Variants in UBR1 observed in about 807,000 individuals in gnomAD.
The protein encoded by UBR1 is ubiquitin protein ligase E3 component n-recognin 1, also known as E3 ubiquitin-protein ligase UBR1.
Under a neutral mutation model 242.1 loss-of-function variants are expected in UBR1, and 102 were observed. The observed-to-expected ratio is 0.42, with a 90% confidence interval of 0.36 to 0.50. The LOEUF is 0.50. Among genes scored for constraint, UBR1 ranks in the 20% least tolerant of loss-of-function variants. The pLI, the probability that UBR1 is intolerant of heterozygous loss-of-function variation, is 0.01. For missense variants in UBR1, 1,772 were observed against 2,101.8 expected (o/e 0.84, Z 3.07); for synonymous variants, 675 against 684.8 (o/e 0.99, Z 0.22).
chr15:43,060,848 G>A (rs1233863755), intron 6 of UBR1, among the ~76,000 whole-genome samples: 1 of 151,296 alleles, frequency 6.6e-6, no homozygotes, highest in Non-Finnish European at 1.5e-5. Flanking sequence ...TAACCATCCT[G>A]TAATATTCCC....
At chr15:43,102,773 C>T (rs566445489) in intron 1 of UBR1, among the ~76,000 whole-genome samples, 31 of 151,726 alleles carry the variant, frequency 2.0e-4, no homozygotes, top group Admixed American at 2.0e-3. Context: ...CTTCCATTTT[C>T]CACCCGTTTC....
rs1420292369 is a variant in UBR1 at position 42,944,118 on chromosome 15, A to G, written c.*1211T>C. 1 of 152,324 alleles carries G rather than the reference A, an allele frequency of 6.6e-6. No homozygotes were observed. The allele number at this position is 152,324 out of a possible 1,614,324, so 9.4% of individuals were successfully genotyped here. Reference sequence around the variant, plus strand: ...TGAATGCATCTTTCAAGGTTCTAACATTACCCCAGAAACAACGTAAGTTAA... The same window carrying G: ...TGAATGCATCTTTCAAGGTTCTAACGTTACCCCAGAAACAACGTAAGTTAA... On this transcript the variant is annotated 3_prime_UTR_variant, in exon 47 of 47. Transcript: ENST00000290650.
intron 10 of UBR1, among the ~76,000 whole-genome samples, chr15:43,056,828 G>T (rs2141334799): frequency 6.6e-6 from 1 of 152,258 alleles, no homozygotes; most frequent in South Asian, 2.1e-4. Context: ...TATATTCAAA[G>T]TATTTAACAA....
chr15:42,957,775 T>A (rs2031947470), intron 44 of UBR1, among the ~76,000 whole-genome samples: 1 of 151,692 alleles, frequency 6.6e-6, no homozygotes, highest in African/African-American at 2.4e-5. Context: ...CTTGGGAGAT[T>A]GAGATGGGAA....
At chr15:42,977,798 G>T in intron 38 of UBR1, 82 bp downstream of exon 38, 4 of 1,214,070 alleles carry the variant, frequency 3.3e-6, no homozygotes, top group South Asian at 2.5e-5. Flanking sequence ...TTATAATCTT[G>T]AACAAAGGGC....
intron 46 of UBR1, among the ~76,000 whole-genome samples, chr15:42,949,756 G>A (rs184865228): frequency 1.8e-3 from 277 of 151,528 alleles, no homozygotes; most frequent in African/African-American, 4.9e-3. Flanking sequence ...CTGAGATAGC[G>A]CCACTGCACT....
intron 8 of UBR1, 88 bp downstream of exon 8, chr15:43,059,610 ACTTT>A: frequency 1.4e-6 from 2 of 1,420,176 alleles, no homozygotes; most frequent in Non-Finnish European, 1.9e-6. Context: ...AAAAAGAAAA[ACTTT>A]ATTTCATACT....
chr15:43,024,589 C>T lies in UBR1; in HGVS notation c.2739+240G>A, dbSNP rs752561146. On this transcript the variant is annotated intron_variant, in intron 25 of 46. Transcript: ENST00000290650. ...CAATAACAACATGTCAATTTATTAG[C>T]ATAAGTACACCTGTTTTTGTTTTCA... Among the ~76,000 whole-genome samples, 5 of 152,186 alleles carry T rather than the reference C, an allele frequency of 3.3e-5. No individual in the cohort carries two copies. The East Asian group carries it at 9.6e-4, about 29-fold the overall frequency.
At chr15:43,088,653 G>A (rs1050933370) in intron 1 of UBR1, among the ~76,000 whole-genome samples, 2 of 151,934 alleles carry the variant, frequency 1.3e-5, no homozygotes, top group Admixed American at 1.3e-4. Flanking sequence ...AATACATGTG[G>A]AGGCACATCT....
chr15:43,043,437 C>CT, intron 14 of UBR1, 42 bp from the exon 15 acceptor site: 1 of 1,596,760 alleles, frequency 6.3e-7, no homozygotes, highest in Non-Finnish European at 8.6e-7. Context: ...AAGTTTTCTA[C>CT]TTTAACACTT....
At chr15:43,092,560 AT>A (rs904126888) in intron 1 of UBR1, among the ~76,000 whole-genome samples, 12 of 150,818 alleles carry the variant, frequency 8.0e-5, no homozygotes, top group Admixed American at 5.3e-4. Flanking sequence ...TGTGTATAGA[AT>A]TTTTTTTTTC....
chr15:43,033,648 C>T (rs1475282976), intron 19 of UBR1, among the ~76,000 whole-genome samples: 2 of 151,816 alleles, frequency 1.3e-5, no homozygotes, highest in South Asian at 2.1e-4. Flanking sequence ...AGCGAGACTT[C>T]GTCTCAAAAA....
At chr15:43,104,918 A>C (rs1462978901) in intron 1 of UBR1, among the ~76,000 whole-genome samples, 1 of 152,100 alleles carries the variant, frequency 6.6e-6, no homozygotes, top group Non-Finnish European at 1.5e-5. Flanking sequence ...GAGGCAGGAG[A>C]ATTCCTGAAC....
chr15:43,062,169 T>C (rs2033696606), intron 6 of UBR1, among the ~76,000 whole-genome samples: 1 of 152,152 alleles, frequency 6.6e-6, no homozygotes, highest in African/African-American at 2.4e-5. Flanking sequence ...AAGCAAGGAC[T>C]TGAACGGACT....
In UBR1 at chr15:43,048,446, T is replaced by A. The variant is rs375204571; in HGVS notation, c.1485A>T (p.Arg495Ser). 2.5e-6 allele frequency: 4 copies of A among 1,613,670 alleles called. No individual in the cohort carries two copies. Among genetic ancestry groups the A allele is most frequent in the Non-Finnish European group, 3.4e-6 (4 of 1,179,898 alleles). The part of the protein sequence containing the change: ...SKPTIWTERL[R>S]MQFLEGFRSF... ...ATCGAAAACCTTCAAGGAACTGCATTCTTAATCTTTCTGTCCATATTGTGG... is the reference window on the plus strand; with the variant it reads ...ATCGAAAACCTTCAAGGAACTGCATACTTAATCTTTCTGTCCATATTGTGG... The change falls in exon 13 of 47, where the codon AGA (arginine) becomes AGT (serine). Residue 495 changes from arginine to serine, a missense_variant. Physicochemically the swap from Arg to Ser is moderately radical, Grantham distance 110. Transcript: ENST00000290650.
At chr15:43,074,887 T>C in intron 4 of UBR1, 92 bp downstream of exon 4, 1 of 1,082,886 alleles carries the variant, frequency 9.2e-7, no homozygotes, top group Non-Finnish European at 1.4e-6. Context: ...ACAGCAGGGT[T>C]CTAACTGGAA....
chr15:43,052,932 G>A (rs2033574324), intron 12 of UBR1, among the ~76,000 whole-genome samples: 1 of 152,176 alleles, frequency 6.6e-6, no homozygotes, highest in Admixed American at 6.5e-5. Context: ...TACTAGGTTT[G>A]TGACTTGAGG....
chr15:43,001,148 CTTT>C (rs773312013), intron 32 of UBR1, among the ~76,000 whole-genome samples: 2 of 131,700 alleles, frequency 1.5e-5, no homozygotes, highest in Non-Finnish European at 1.6e-5. Context: ...TAGAGCAATT[CTTT>C]TTTTTTTTTT....
intron 42 of UBR1, among the ~76,000 whole-genome samples, chr15:42,962,575 C>T (rs1325286667): frequency 2.6e-5 from 4 of 152,066 alleles, no homozygotes; most frequent in African/African-American, 4.8e-5. Context: ...CTGCAACCTC[C>T]GCCTCCTGGG....
Sources: allele counts gnomAD v4.1 joint callset (sites outside exome capture counted in the v4.1 genomes callset), GRCh38; gene constraint gnomAD v4.1.1; transcripts MANE v1.5; gene names NCBI Gene and HGNC (gene_info 2026-07-23, HGNC 2026-07-21).